The following ZNF679 variants were observed in gnomAD, a reference collection of about 807,000 sequenced individuals.
The protein encoded by ZNF679 is zinc finger protein 679.
ZNF679 carries 10 observed loss-of-function variants against 13.4 expected under a neutral mutation model. The observed-to-expected ratio is 0.75, with a 90% CI of 0.46 to 1.27. ZNF679 has a LOEUF of 1.27. Ranked by LOEUF, ZNF679 falls within the 50% of genes most tolerant of loss-of-function variation. The probability of loss-of-function intolerance (pLI) is 0.00; values close to 1 mark genes in which losing one functional copy is unlikely to be tolerated. For missense variants in ZNF679, 525 were observed against 477.8 expected, an observed-to-expected ratio of 1.10 and a Z score of -0.92; for synonymous variants, 179 against 162.5, an observed-to-expected ratio of 1.10 and a Z score of -0.77.
At position 64,266,192 on chromosome 7, in the gene ZNF679, A is replaced by G; in HGVS notation, c.559A>G (p.Lys187Glu). ...RHTGKKHFKC[K>E]KYGKSFCMVS... is the part of the protein sequence containing the mutation. ...TACTGGAAAGAAACATTTCAAATGTAAAAAATATGGCAAATCATTTTGCAT... is the reference window on the plus strand; with the variant it reads ...TACTGGAAAGAAACATTTCAAATGTGAAAAATATGGCAAATCATTTTGCAT... The change falls in exon 5 of 5, where the codon AAA (lysine) becomes GAA (glutamate). Residue 187 changes from lysine to glutamate, a missense_variant. Coordinates refer to ENST00000421025, the MANE Select transcript of ZNF679 (RefSeq NM_153363.3). 2 of 1,589,112 alleles carry G rather than the reference A, an allele frequency of 1.3e-6. No individual in the cohort carries two copies. The highest frequency in any genetic ancestry group is 1.7e-6 in the Non-Finnish European group (2 of 1,165,920).
chr7:64,232,076 C>A (rs1787646702), intron 1 of ZNF679, among the ~76,000 whole-genome samples: 1 of 152,138 alleles, frequency 6.6e-6, no homozygotes, highest in Non-Finnish European at 1.5e-5. Flanking sequence ...GAAGTTTTGT[C>A]CAAGAGCTGA....
rs1787910692 is a variant in ZNF679, at chr7:64,249,233, C to G, written c.39+77C>G. On this transcript the variant is annotated intron_variant, in intron 2 of 4. Coordinates refer to ENST00000421025, the MANE Select transcript of ZNF679 (RefSeq NM_153363.3). ...GGCTGAAAGTGGCTGTAGCAGGACC[C>G]AAACTTCCTCGCAGTCAGCTCCGGA... 3 of 1,612,268 alleles carry G rather than the reference C, an allele frequency of 1.9e-6. 1 individual carries two copies. The African/African-American group carries it at 4.0e-5, about 22-fold the overall frequency.
chr7:64,242,005 T>C (rs747836359), intron 1 of ZNF679, among the ~76,000 whole-genome samples: 2 of 152,208 alleles, frequency 1.3e-5, no homozygotes, highest in African/African-American at 4.8e-5. Context: ...TCTTGGGATA[T>C]GTGTTTAAGT....
chr7:64,240,823 T>C (rs1245034304), intron 1 of ZNF679, among the ~76,000 whole-genome samples: 7 of 152,190 alleles, frequency 4.6e-5, no homozygotes, highest in African/African-American at 1.4e-4. Context: ...CTCTTGTGGA[T>C]TGAGTTCAAC....
Position 64,264,864 on chromosome 7 carries a change from G to A in ZNF679, c.263-1032G>A, listed in dbSNP as rs189820890. Among the ~76,000 whole-genome samples the A allele has an allele frequency of 7.9e-5, 12 of 151,518 alleles. No homozygotes were observed. In the East Asian group the frequency reaches 2.3e-3, roughly 30 times the overall value. On this transcript the variant is annotated intron_variant, in intron 4 of 4. Coordinates refer to ENST00000421025, the MANE Select transcript of ZNF679 (RefSeq NM_153363.3). ...TTTTGTGTATATCCTAGTTTGTTTA[G>A]CTTCTTCATTTCTTACATTATTTTT... is the stretch of plus-strand genomic sequence containing the variant.
At chr7:64,232,631 C>T (rs1187111623) in intron 1 of ZNF679, among the ~76,000 whole-genome samples, 1 of 152,104 alleles carries the variant, frequency 6.6e-6, no homozygotes, top group Non-Finnish European at 1.5e-5. Flanking sequence ...TTAGTCTTTT[C>T]TGTAGACAAG....
chr7:64,249,634 G>A (rs1364727378), intron 2 of ZNF679, among the ~76,000 whole-genome samples: 1 of 152,156 alleles, frequency 6.6e-6, no homozygotes, highest in Non-Finnish European at 1.5e-5. Context: ...ATGGTTTGTG[G>A]GTTGTGGTCC....
chr7:64,232,127 T>G (rs1238181128), intron 1 of ZNF679, among the ~76,000 whole-genome samples: 2 of 152,138 alleles, frequency 1.3e-5, no homozygotes, highest in Non-Finnish European at 2.9e-5. Context: ...GAGGTTGCAG[T>G]GAGCAGAGAT....
chr7:64,240,799 A>G (rs1269335419), intron 1 of ZNF679, among the ~76,000 whole-genome samples: 2 of 152,216 alleles, frequency 1.3e-5, no homozygotes, highest in African/African-American at 4.8e-5. Context: ...TGCTAAAGGT[A>G]TAAGAGTCAA....
chr7:64,233,689 C>CATCCATA (rs1787672230), intron 1 of ZNF679, among the ~76,000 whole-genome samples: 1 of 152,008 alleles, frequency 6.6e-6, no homozygotes, highest in African/African-American at 2.4e-5. Context: ...ATAAGGAAAC[C>CATCCATA]ACCTTCACCT....
intron 1 of ZNF679, among the ~76,000 whole-genome samples, chr7:64,236,975 A>AAGAGAAAGAAAG (rs201487010): frequency 3.1e-4 from 5 of 16,264 alleles, no homozygotes; most frequent in African/African-American, 7.8e-4. Context: ...GAAAGAAAGA[A>AAGAGAAAGAAAG]AAAGAAAGAA....
In ZNF679 at chr7:64,265,947, A is replaced by C; in HGVS notation, c.314A>C (p.Asp105Ala). Reference sequence around the variant, plus strand: ...CTTCCGCCAGAGCTAGGCATAAAAGATTCACTCCAAAAAGTAATACCAAGA... The same window carrying C: ...CTTCCGCCAGAGCTAGGCATAAAAGCTTCACTCCAAAAAGTAATACCAAGA... ...QDLPPELGIK[D>A]SLQKVIPRRY... The change falls in exon 5 of 5, where the codon GAT becomes GCT. Residue 105 changes from aspartate to alanine, a missense_variant. Asp to Ala is a moderately radical substitution (Grantham distance 126, BLOSUM62 -2). Coordinates refer to ENST00000421025, the MANE Select transcript of ZNF679 (RefSeq NM_153363.3). 6.2e-7 allele frequency: 1 copy of C among 1,613,908 alleles called. No homozygotes were observed. The highest frequency in any genetic ancestry group is 8.5e-7 in the Non-Finnish European group (1 of 1,179,882).
chr7:64,238,505 C>T (rs769809775), intron 1 of ZNF679, among the ~76,000 whole-genome samples: 3 of 152,000 alleles, frequency 2.0e-5, no homozygotes, highest in Non-Finnish European at 4.4e-5. Context: ...CTCCTGCCTT[C>T]GCCTCCCGAG....
At chr7:64,259,665 C>T (rs1329121269) in intron 2 of ZNF679, among the ~76,000 whole-genome samples, 2 of 152,106 alleles carry the variant, frequency 1.3e-5, no homozygotes, top group South Asian at 2.1e-4. Context: ...CGGGGGCTCA[C>T]GCTAGTAATC....
At chr7:64,235,668 A>G (rs1787699765) in intron 1 of ZNF679, among the ~76,000 whole-genome samples, 1 of 152,068 alleles carries the variant, frequency 6.6e-6, no homozygotes, top group South Asian at 2.1e-4. Context: ...ACAAGCCTGT[A>G]ATTCCAGCTA....
At chr7:64,253,011 C>T (rs150196379) in intron 2 of ZNF679, among the ~76,000 whole-genome samples, 3 of 152,342 alleles carry the variant, frequency 2.0e-5, no homozygotes, top group African/African-American at 7.2e-5. Flanking sequence ...AGCCACTGCT[C>T]CTGGCCCTGT....
At chr7:64,264,159 A>G (rs770631924) in intron 4 of ZNF679, among the ~76,000 whole-genome samples, 9 of 151,664 alleles carry the variant, frequency 5.9e-5, no homozygotes, top group Non-Finnish European at 1.2e-4. Context: ...TAATTGACTC[A>G]TTTTCTTTTG....
In ZNF679 at chr7:64,260,296, A is replaced by C. The variant is rs1336373965; in HGVS notation, c.115A>C (p.Asn39His). Reference protein sequence around the residue: ...EWQCLDHAQQNLYRDVMLENY... With the variant: ...EWQCLDHAQQHLYRDVMLENY... ...GCAATGCCTGGATCACGCTCAGCAGAATTTATATAGAGATGTGATGTTAGA... is the reference window on the plus strand; with the variant it reads ...GCAATGCCTGGATCACGCTCAGCAGCATTTATATAGAGATGTGATGTTAGA... The change falls in exon 3 of 5, where the codon AAT (asparagine) becomes CAT (histidine). Residue 39 changes from asparagine (N) to histidine (H), a missense_variant. Transcript: ENST00000421025. The C allele has an allele frequency of 6.2e-7, 1 of 1,613,032 alleles. No homozygotes were observed. The highest frequency in any genetic ancestry group is 8.5e-7 in the Non-Finnish European group (1 of 1,179,644).
intron 1 of ZNF679, among the ~76,000 whole-genome samples, chr7:64,247,855 C>T (rs1388876108): frequency 3.7e-5 from 5 of 136,904 alleles, no homozygotes; most frequent in Non-Finnish European, 8.3e-5. Flanking sequence ...CTGGCCCTAC[C>T]ATGTTTTTTT....
Sources: allele counts gnomAD v4.1 joint callset (sites outside exome capture counted in the v4.1 genomes callset), GRCh38; gene constraint gnomAD v4.1.1; transcripts MANE v1.5; gene names NCBI Gene and HGNC (gene_info 2026-07-23, HGNC 2026-07-21).